The following WNK2 variants were observed in gnomAD, a reference collection of about 807,000 sequenced individuals.
WNK2 encodes serine/threonine-protein kinase WNK2.
A neutral mutation model predicts 192.1 loss-of-function variants in WNK2; 67 were observed. The ratio of observed to expected loss-of-function variants is 0.35; its 90% CI spans 0.29 to 0.43. The LOEUF (loss-of-function observed/expected upper bound fraction) is 0.43. WNK2 is among the 20% of genes least tolerant of loss of function. WNK2 has a pLI of 1.00. For missense variants in WNK2, 2,698 were observed against 3,089.7 expected (o/e 0.87, Z 3.01); for synonymous variants, 1,439 against 1,393.9 (o/e 1.03, Z -0.72).
rs542888754 is a variant in WNK2, at chr9:93,316,096, GTC to G, written c.6517-1422_6517-1421del. 158 of 152,276 alleles carry G rather than the reference GTC, an allele frequency of 1.0e-3. 1 individual carries two copies. Among genetic ancestry groups the G allele is most frequent in the African/African-American group, 3.6e-3 (151 of 41,552 alleles). 9.4% of individuals were successfully genotyped at this position (152,276 alleles called of 1,614,324 possible). On this transcript the variant is annotated intron_variant, in intron 28 of 29. Coordinates refer to ENST00000427277, the MANE Select transcript of WNK2 (RefSeq NM_006648.4). ...TTGAGCAGACATTCGTCAAGTGGTCGTCTGTGTGTAGGTCCATTTCTGAATTT... is the reference window on the plus strand; with the variant it reads ...TTGAGCAGACATTCGTCAAGTGGTCGTGTGTGTAGGTCCATTTCTGAATTT...
At chr9:93,238,093 C>T in intron 5 of WNK2, 140 bp from the exon 6 acceptor site, 1 of 688,440 alleles carries the variant, frequency 1.5e-6, no homozygotes, top group Admixed American at 2.7e-5. Context: ...ATATTTTGCC[C>T]AGTTTTCTAG....
chr9:93,241,363 G>C (rs1309224908), intron 7 of WNK2, among the ~76,000 whole-genome samples: 2 of 152,250 alleles, frequency 1.3e-5, no homozygotes, highest in Non-Finnish European at 2.9e-5. Flanking sequence ...GAACACCTGA[G>C]CAGAAATAAA....
chr9:93,211,292 AC>A (rs1415238251), intron 2 of WNK2, among the ~76,000 whole-genome samples: 8 of 150,478 alleles, frequency 5.3e-5, no homozygotes, highest in Non-Finnish European at 5.9e-5. Context: ...TCACTCATAC[AC>A]TCAGTCACTC....
At chr9:93,302,002 G>T (rs985115202) in intron 26 of WNK2, among the ~76,000 whole-genome samples, 1 of 152,216 alleles carries the variant, frequency 6.6e-6, no homozygotes, top group Non-Finnish European at 1.5e-5. Flanking sequence ...CCAGGCCTCC[G>T]AAGTCTCTGC....
chr9:93,265,842 C>G (rs781526270), intron 16 of WNK2, among the ~76,000 whole-genome samples: 10 of 152,196 alleles, frequency 6.6e-5, no homozygotes, highest in Non-Finnish European at 1.5e-4. Flanking sequence ...TCTTGTGTGT[C>G]TCTGTGTGTG....
intron 19 of WNK2, among the ~76,000 whole-genome samples, chr9:93,271,620 G>A (rs1280214861): frequency 6.6e-6 from 1 of 152,182 alleles, no homozygotes. Flanking sequence ...TTGTCCCACT[G>A]GAAAACAGGG....
In WNK2 at chr9:93,259,206, G is replaced by A; in HGVS notation, c.2658G>A (p.Leu886=). ...CAAATGCACCGGCCACTATCCCCCT[G>A]CTGGCCGTAGCCCCACCGGGCGTGG... The part of the protein sequence containing the change: ...IVPNAPATIP[L]LAVAPPGVAA... Residue 886 remains leucine, a synonymous_variant, in exon 12 of 30, where the codon CTG becomes CTA. Transcript: ENST00000427277. This position sits in a 1 kb window ranked among gnomAD's most constrained non-coding sequence, Gnocchi z 4.8. 6.2e-7 allele frequency: 1 copy of A among 1,612,710 alleles called. No homozygotes were observed. The highest frequency in any genetic ancestry group is 8.5e-7 in the Non-Finnish European group (1 of 1,179,712).
intron 2 of WNK2, among the ~76,000 whole-genome samples, chr9:93,208,774 G>A (rs1045395857): frequency 0.043 from 4 of 94 alleles, no homozygotes; most frequent in Admixed American, 0.25. Context: ...CCGTGTGTGT[G>A]TTCTGCGGCT....
chr9:93,190,768 G>C (rs181003900), intron 2 of WNK2, among the ~76,000 whole-genome samples: 16 of 152,304 alleles, frequency 1.1e-4, no homozygotes, highest in African/African-American at 3.8e-4. Context: ...CACATTAAAC[G>C]TGGACGCAAA....
rs1271167796 is a variant in WNK2 at position 93,261,723 on chromosome 9, C to T, written c.3067-91C>T. 3.2e-5 allele frequency: 46 copies of T among 1,454,130 alleles called. No homozygotes were observed. In the East Asian group the frequency reaches 4.1e-4, roughly 13 times the overall value. 90.1% of individuals were successfully genotyped at this position (1,454,130 alleles called of 1,614,324 possible). On this transcript the variant is annotated intron_variant, in intron 12 of 29. Transcript: ENST00000427277. ...GGTCTGGAGAGGGGTGTTCCCATCT[C>T]GGCCTGGGTATTCCCAGACACACCT...
rs945314622 is a variant in WNK2, at chr9:93,318,764, G to A, written c.6628+1133G>A. On this transcript the variant is annotated intron_variant, in intron 29 of 29. Coordinates refer to ENST00000427277, the MANE Select transcript of WNK2 (RefSeq NM_006648.4). ...GCCCTAAGCCTGCTCTGCGGAGGGC[G>A]GGGTCATTCTTCTCCTGGAGATTTC... The A allele has an allele frequency of 3.7e-5, 52 of 1,415,392 alleles. 1 individual carries two copies. Among genetic ancestry groups the A allele is most frequent in the Admixed American group, 1.2e-4 (4 of 34,616 alleles). The allele number at this position is 1,415,392 out of a possible 1,614,324, so 87.7% of individuals were successfully genotyped here.
chr9:93,245,885 A>C (rs1010229094), intron 7 of WNK2, among the ~76,000 whole-genome samples: 1 of 152,204 alleles, frequency 6.6e-6, no homozygotes, highest in Non-Finnish European at 1.5e-5. Flanking sequence ...ACCCTGCCTC[A>C]GAACTCAGTT....
intron 2 of WNK2, among the ~76,000 whole-genome samples, chr9:93,225,914 ATGTTG>A (rs35020803): frequency 0.62 from 93,673 of 150,754 alleles, 29,560 homozygotes; most frequent in Admixed American, 0.7. Flanking sequence ...CTGTTGTGTT[ATGTTG>A]TGTTGTGTTG....
In WNK2 at chr9:93,229,891, T is replaced by C. The variant is rs1475803579; in HGVS notation, c.854+23T>C. On this transcript the variant is annotated intron_variant, in intron 3 of 29. Coordinates refer to ENST00000427277, the MANE Select transcript of WNK2 (RefSeq NM_006648.4). The surrounding 1 kb of genome is among the most constrained non-coding windows in gnomAD (Gnocchi z 4.9). Reference sequence around the variant, plus strand: ...GACGTAAGCTCCGCTTCCTGAGGGCTGGGGCGGGTCCTGGCATGGGTGCAG... The same window carrying C: ...GACGTAAGCTCCGCTTCCTGAGGGCCGGGGCGGGTCCTGGCATGGGTGCAG... 6.2e-7 allele frequency: 1 copy of C among 1,608,734 alleles called. No individual in the cohort carries two copies. Among genetic ancestry groups the C allele is most frequent in the South Asian group, 1.1e-5 (1 of 90,690 alleles).
chr9:93,201,311 T>C lies in WNK2; in HGVS notation c.681+15701T>C, dbSNP rs576587139. The stretch of plus-strand genomic sequence containing the variant: ...GAGCAAGGCTGCCCAGCATTCACAC[T>C]GGGCTGGAGGAGCAGGGGGAGTGGG... On this transcript the variant is annotated intron_variant, in intron 2 of 29. Transcript: ENST00000427277. Among the ~76,000 whole-genome samples the C allele has an allele frequency of 3.0e-4, 46 of 152,350 alleles. 1 individual carries two copies. In the South Asian group the frequency reaches 9.1e-3, roughly 30 times the overall value.
intron 2 of WNK2, among the ~76,000 whole-genome samples, chr9:93,227,875 A>G (rs12379677): frequency 0.024 from 3,685 of 152,268 alleles, 74 homozygotes; most frequent in East Asian, 0.09. Context: ...TTTGTACTTA[A>G]TGTTTCATTG....
chr9:93,226,149 A>G (rs1020062738), intron 2 of WNK2, among the ~76,000 whole-genome samples: 1 of 152,214 alleles, frequency 6.6e-6, no homozygotes, highest in African/African-American at 2.4e-5. Flanking sequence ...GGTGAGACTC[A>G]CCGCCCACCT....
chr9:93,263,857 G>C (rs1308023693), intron 15 of WNK2, 60 bp from the exon 16 acceptor site: 1 of 1,403,852 alleles, frequency 7.1e-7, no homozygotes, highest in Admixed American at 2.1e-5. Flanking sequence ...GGGTGTGTGG[G>C]GGTGTGGCGG....
intron 2 of WNK2, among the ~76,000 whole-genome samples, chr9:93,221,927 T>G (rs1836967672): frequency 6.6e-6 from 1 of 152,202 alleles, no homozygotes; most frequent in Non-Finnish European, 1.5e-5. Context: ...GGGAAACATT[T>G]CAAAGAACAT....
Sources: allele counts gnomAD v4.1 joint callset (sites outside exome capture counted in the v4.1 genomes callset), GRCh38; gene constraint gnomAD v4.1.1; non-coding constraint Gnocchi (gnomAD v3.1); transcripts MANE v1.5; gene names NCBI Gene and HGNC (gene_info 2026-07-23, HGNC 2026-07-21).